The following KITLG variants were observed in gnomAD, a reference collection of about 807,000 sequenced individuals.
KITLG encodes the protein c-Kit ligand.
A neutral mutation model predicts 34.1 loss-of-function variants in KITLG; 13 were observed. That is an observed-to-expected ratio of 0.38 (90% confidence interval 0.25 to 0.61). The LOEUF (loss-of-function observed/expected upper bound fraction) is 0.61. Ranked by LOEUF, KITLG falls within the 20% of genes least tolerant of loss-of-function variation. The pLI is 0.60. For missense variants in KITLG, 292 were observed against 318.9 expected (o/e 0.92, Z 0.64); for synonymous variants, 110 against 104.0 (o/e 1.06, Z -0.35).
At chr12:88,557,294 G>A (rs1179620662) in intron 1 of KITLG, among the ~76,000 whole-genome samples, 1 of 152,136 alleles carries the variant, frequency 6.6e-6, no homozygotes, top group Non-Finnish European at 1.5e-5. Context: ...TATAGGGCCT[G>A]AGTGTTCAGG....
intron 3 of KITLG, among the ~76,000 whole-genome samples, chr12:88,525,867 T>C (rs1386413408): frequency 6.6e-6 from 1 of 151,866 alleles, no homozygotes; most frequent in African/African-American, 2.4e-5. Context: ...GGAGAGAAAA[T>C]GTGGGCTGAA....
chr12:88,507,074 A>C lies in KITLG; in HGVS notation c.668T>G (p.Leu223Trp), dbSNP rs1869092746. 1 of 1,613,668 alleles carries C rather than the reference A, an allele frequency of 6.2e-7. No homozygotes were observed. The highest frequency in any genetic ancestry group is 1.7e-5 in the Admixed American group (1 of 60,010). Residue 223 changes from leucine (L) to tryptophan (W), a missense_variant, in exon 7 of 10, where the codon TTG becomes TGG. Leu to Trp is a moderately conservative substitution (Grantham distance 61). This residue lies in a region of KITLG where 140 missense variants were observed against 111.0 expected (regional missense o/e 1.26). Transcript: ENST00000644744. ...AGCAAAGCCAATTATAAGAGAAAAC[A>C]ATGCTGGCAATGCCATGGCTGCCCA... The part of the protein sequence containing the change: ...LHWAAMALPA[L>W]FSLIIGFAFG...
intron 1 of KITLG, among the ~76,000 whole-genome samples, chr12:88,574,918 A>C (rs1326704836): frequency 1.3e-5 from 2 of 152,218 alleles, no homozygotes; most frequent in Non-Finnish European, 2.9e-5. Context: ...TTTACAAAGA[A>C]ATATCAAGCA....
chr12:88,495,740 G>C lies in KITLG; in HGVS notation c.*1479C>G, dbSNP rs1270548832. Reference sequence around the variant, plus strand: ...CTACATTGAAAACTGTCATCTTACGGTTGTAGAACATGGCAATAATGTTAT... The same window carrying C: ...CTACATTGAAAACTGTCATCTTACGCTTGTAGAACATGGCAATAATGTTAT... On this transcript the variant is annotated 3_prime_UTR_variant, in exon 10 of 10. Coordinates refer to ENST00000644744, the MANE Select transcript of KITLG (RefSeq NM_000899.5). 2.6e-5 allele frequency: 4 copies of C among 152,246 alleles called. No homozygotes were observed. The highest frequency in any genetic ancestry group is 9.7e-5 in the African/African-American group (4 of 41,404). 9.4% of individuals were successfully genotyped at this position (152,246 alleles called of 1,614,324 possible). A position where few individuals can be genotyped will look rare whatever the true frequency, so the allele number is the denominator to read the frequency against.
chr12:88,497,266 C>A (rs992107483), intron 9 of KITLG, 85 bp from the exon 10 acceptor site: 11 of 289,936 alleles, frequency 3.8e-5, no homozygotes, highest in South Asian at 2.6e-4. Flanking sequence ...TCATATATGA[C>A]CACAGAATGA....
rs1335050324 is a variant in KITLG, at chr12:88,505,240, A to G, written c.783-5T>C. The G allele has an allele frequency of 6.2e-7, 1 of 1,607,964 alleles. No individual in the cohort carries two copies. The highest frequency in any genetic ancestry group is 8.5e-7 in the Non-Finnish European group (1 of 1,174,626). On this transcript the variant is annotated splice_polypyrimidine_tract_variant and splice_region_variant and intron_variant, in intron 8 of 9. Coordinates refer to ENST00000644744, the MANE Select transcript of KITLG (RefSeq NM_000899.5). ...CTCTCTTTCTCTTGCAACATACTGA[A>G]AAACAATAAGAAAAAATGCTTATTT...
At chr12:88,557,256 G>A (rs1170038419) in intron 1 of KITLG, among the ~76,000 whole-genome samples, 2 of 152,126 alleles carry the variant, frequency 1.3e-5, no homozygotes, top group African/African-American at 4.8e-5. Flanking sequence ...AAAAATCCCT[G>A]ATAAAAGACT....
At chr12:88,542,011 G>A (rs1043415354) in intron 2 of KITLG, among the ~76,000 whole-genome samples, 1 of 152,086 alleles carries the variant, frequency 6.6e-6, no homozygotes, top group Non-Finnish European at 1.5e-5. Context: ...GGACTGTCAG[G>A]CCACTTTCTT....
At chr12:88,531,734 C>T (rs903972178) in intron 3 of KITLG, among the ~76,000 whole-genome samples, 1 of 151,922 alleles carries the variant, frequency 6.6e-6, no homozygotes, top group African/African-American at 2.4e-5. Flanking sequence ...TAGGGGGATG[C>T]TTAAGGAAAA....
At chr12:88,562,643 A>G (rs984300972) in intron 1 of KITLG, among the ~76,000 whole-genome samples, 1 of 152,208 alleles carries the variant, frequency 6.6e-6, no homozygotes, top group Admixed American at 6.5e-5. Flanking sequence ...AATAGTGACG[A>G]TTAGCTAAAT....
At chr12:88,566,296 A>G (rs1871441905) in intron 1 of KITLG, among the ~76,000 whole-genome samples, 1 of 152,236 alleles carries the variant, frequency 6.6e-6, no homozygotes. Flanking sequence ...TTGTCCCTCA[A>G]AGAGACATTT....
chr12:88,525,205 T>C (rs1396152535), intron 3 of KITLG, among the ~76,000 whole-genome samples: 1 of 152,098 alleles, frequency 6.6e-6, no homozygotes, highest in Non-Finnish European at 1.5e-5. Context: ...GATTCAGAGA[T>C]GGAGAAGGAA....
chr12:88,537,091 T>C (rs1870346844), intron 2 of KITLG, among the ~76,000 whole-genome samples: 1 of 152,074 alleles, frequency 6.6e-6, no homozygotes, highest in African/African-American at 2.4e-5. Flanking sequence ...TCTCAAAGAA[T>C]TCAGAACTAC....
At chr12:88,499,383 A>G (rs994456595) in intron 9 of KITLG, among the ~76,000 whole-genome samples, 1 of 152,042 alleles carries the variant, frequency 6.6e-6, no homozygotes, top group Admixed American at 6.6e-5. Flanking sequence ...TCTAAGATTT[A>G]TTTTCTTCCC....
intron 1 of KITLG, among the ~76,000 whole-genome samples, chr12:88,572,595 T>TATATA (rs1555258293): frequency 6.3e-4 from 85 of 134,910 alleles, no homozygotes; most frequent in African/African-American, 2.2e-3. Context: ...ATATACATTA[T>TATATA]TATATATATA....
intron 9 of KITLG, among the ~76,000 whole-genome samples, chr12:88,501,737 T>C (rs1868865574): frequency 6.6e-6 from 1 of 152,220 alleles, no homozygotes; most frequent in Admixed American, 6.5e-5. Flanking sequence ...TGAATTCTTA[T>C]GTACTCATAG....
At chr12:88,503,488 G>A (rs899543321) in intron 9 of KITLG, among the ~76,000 whole-genome samples, 2 of 152,186 alleles carry the variant, frequency 1.3e-5, no homozygotes, top group Non-Finnish European at 2.9e-5. Flanking sequence ...TGAAAGAGGA[G>A]AGAATATTCG....
At chr12:88,553,150 A>G (rs1870977755) in intron 1 of KITLG, among the ~76,000 whole-genome samples, 1 of 152,236 alleles carries the variant, frequency 6.6e-6, no homozygotes, top group Admixed American at 6.5e-5. Flanking sequence ...TTGAGTTCAC[A>G]CACCTTTTTC....
chr12:88,550,533 C>CATTT (rs1870859772), intron 1 of KITLG, among the ~76,000 whole-genome samples: 1 of 152,158 alleles, frequency 6.6e-6, no homozygotes, highest in Admixed American at 6.6e-5. Context: ...AGTTACTGAA[C>CATTT]ATTTACTATA....
Sources: gnomAD v4.1 joint callset for allele counts (sites outside exome capture counted in the v4.1 genomes callset) on GRCh38, gnomAD v4.1.1 for gene constraint, gnomAD v4.1.1 regional missense constraint, MANE v1.5 for transcripts, NCBI Gene and HGNC (gene_info 2026-07-23, HGNC 2026-07-21) for gene names.